Variants in SCFD2 observed in about 807,000 individuals in gnomAD.
The protein encoded by SCFD2 is sec1 family domain-containing protein 2.
Under a neutral mutation model 58.9 loss-of-function variants are expected in SCFD2, and 54 were observed. That is an observed-to-expected ratio of 0.92 (90% CI 0.74 to 1.15). SCFD2 has a LOEUF of 1.15. SCFD2 is among the 50% of genes most tolerant of loss of function. The probability of loss-of-function intolerance (pLI) is 0.00; values close to 1 mark genes in which losing one functional copy is unlikely to be tolerated. For synonymous variants in SCFD2, 321 were observed against 335.9 expected (o/e 0.96, Z 0.49); for missense variants, 805 against 836.6 (o/e 0.96, Z 0.47).
rs73149260 is a variant in SCFD2, at chr4:53,308,522, C to G, written c.1135+5114G>C. Among the ~76,000 whole-genome samples, 1,330 of 152,206 alleles carry G rather than the reference C, an allele frequency of 8.7e-3. 19 individuals carry two copies. Among genetic ancestry groups the G allele is most frequent in the African/African-American group, 0.03 (1,254 of 41,522 alleles). ...TCTCTTTCTCTCTCTCTTATACACA[C>G]ATAACAAAGAGATTTGCATGCACAC... On this transcript the variant is annotated intron_variant, in intron 3 of 8. Coordinates refer to ENST00000401642, the MANE Select transcript of SCFD2 (RefSeq NM_152540.4).
At chr4:53,304,077 A>G (rs1264567480) in intron 3 of SCFD2, among the ~76,000 whole-genome samples, 2 of 146,288 alleles carry the variant, frequency 1.4e-5, no homozygotes, top group African/African-American at 2.5e-5. Flanking sequence ...CGTTGTGCAC[A>G]TGTACCCTAA....
chr4:53,346,107 A>G (rs1399793927), intron 2 of SCFD2, among the ~76,000 whole-genome samples: 2 of 122,710 alleles, frequency 1.6e-5, no homozygotes, highest in African/African-American at 5.7e-5. Context: ...AATTTAAAAA[A>G]GTTTAAAAAA....
chr4:53,247,203 G>A (rs1462383039), intron 4 of SCFD2, among the ~76,000 whole-genome samples: 2 of 152,142 alleles, frequency 1.3e-5, no homozygotes, highest in African/African-American at 4.8e-5. Flanking sequence ...AAACCATAGT[G>A]ACATAATCTC....
intron 8 of SCFD2, among the ~76,000 whole-genome samples, chr4:52,879,771 A>G (rs1239452746): frequency 2.0e-5 from 3 of 152,182 alleles, no homozygotes; most frequent in Non-Finnish European, 4.4e-5. Flanking sequence ...TTCCTGTTCT[A>G]TTTCTGCTGA....
At chr4:53,287,463 A>C (rs1239528297) in intron 3 of SCFD2, among the ~76,000 whole-genome samples, 1 of 152,192 alleles carries the variant, frequency 6.6e-6, no homozygotes, top group African/African-American at 2.4e-5. Flanking sequence ...GGCCACTGAC[A>C]CACCTATAAT....
At chr4:52,975,573 T>C (rs1721236208) in intron 5 of SCFD2, among the ~76,000 whole-genome samples, 1 of 152,166 alleles carries the variant, frequency 6.6e-6, no homozygotes, top group South Asian at 2.1e-4. Context: ...ACACTGTTGG[T>C]GGGACGGTAA....
At chr4:53,223,067 C>T (rs761388850) in intron 4 of SCFD2, among the ~76,000 whole-genome samples, 2 of 152,156 alleles carry the variant, frequency 1.3e-5, no homozygotes, top group Non-Finnish European at 2.9e-5. Context: ...CAGGCAGGAG[C>T]ACCCATTCTG....
At chr4:53,218,448 T>C (rs2148992064) in intron 4 of SCFD2, among the ~76,000 whole-genome samples, 1 of 152,344 alleles carries the variant, frequency 6.6e-6, no homozygotes, top group Admixed American at 6.5e-5. Flanking sequence ...TACTGAAGCT[T>C]GTGCATTCGT....
chr4:53,001,313 G>T (rs1295081873), intron 5 of SCFD2, among the ~76,000 whole-genome samples: 1 of 152,162 alleles, frequency 6.6e-6, no homozygotes, highest in Non-Finnish European at 1.5e-5. Context: ...AGCAGCACGG[G>T]AATTAACCCT....
intron 5 of SCFD2, among the ~76,000 whole-genome samples, chr4:53,013,432 C>G (rs1178472843): frequency 6.6e-6 from 1 of 152,166 alleles, no homozygotes; most frequent in East Asian, 1.9e-4. Context: ...CCCTTTCCTT[C>G]TTGAAAATTC....
chr4:52,885,965 A>G (rs923380258), intron 7 of SCFD2, 99 bp from the exon 8 acceptor site: 25 of 1,449,882 alleles, frequency 1.7e-5, no homozygotes, highest in Non-Finnish European at 2.4e-5. Flanking sequence ...AAACCTCAGG[A>G]CTACTACTGA....
chr4:53,023,918 G>A (rs564745792), intron 5 of SCFD2, among the ~76,000 whole-genome samples: 52 of 152,252 alleles, frequency 3.4e-4, no homozygotes, highest in African/African-American at 1.2e-3. Flanking sequence ...ACTTCATCTC[G>A]ACATTGAGAA....
chr4:53,199,134 T>A (rs1346003186), intron 4 of SCFD2, among the ~76,000 whole-genome samples: 2 of 152,070 alleles, frequency 1.3e-5, no homozygotes, highest in East Asian at 3.9e-4. Flanking sequence ...AAAGCCAATA[T>A]AACCACTCAG....
At chr4:53,343,168 G>T (rs543432018) in intron 2 of SCFD2, among the ~76,000 whole-genome samples, 1 of 152,220 alleles carries the variant, frequency 6.6e-6, no homozygotes, top group African/African-American at 2.4e-5. Context: ...AACGAATCCA[G>T]GAGCTGGTTT....
At chr4:52,987,171 G>T (rs1009036808) in intron 5 of SCFD2, among the ~76,000 whole-genome samples, 1 of 152,138 alleles carries the variant, frequency 6.6e-6, no homozygotes, top group Non-Finnish European at 1.5e-5. Flanking sequence ...TGGGACTACA[G>T]GTGCCGGCCA....
intron 4 of SCFD2, among the ~76,000 whole-genome samples, chr4:53,187,305 T>C (rs1560376211): frequency 1.3e-5 from 2 of 151,958 alleles, no homozygotes; most frequent in Non-Finnish European, 2.9e-5. Flanking sequence ...GCATAGAGAG[T>C]CTTGTGGAAA....
rs1225016565 is a variant in SCFD2 at position 53,253,078 on chromosome 4, G to A, written c.1311+20748C>T. Among the ~76,000 whole-genome samples, 22 of 152,234 alleles carry A rather than the reference G, an allele frequency of 1.4e-4. No homozygotes were observed. The East Asian group carries it at 4.2e-3, about 29-fold the overall frequency. On this transcript the variant is annotated intron_variant, in intron 4 of 8. Transcript: ENST00000401642. ...ACAACCCCACCAAAAAGTGGAAAAA[G>A]GATATGAACAGACACTTCTCAAAAG...
chr4:52,965,906 A>G (rs1720952225), intron 5 of SCFD2, among the ~76,000 whole-genome samples: 2 of 152,242 alleles, frequency 1.3e-5, no homozygotes, highest in South Asian at 4.1e-4. Context: ...CTATGCTAAT[A>G]ATGCTACCAG....
In SCFD2 at chr4:53,365,034, T is replaced by A. The variant is rs1352933653; in HGVS notation, c.838+70A>T. On this transcript the variant is annotated intron_variant, in intron 1 of 8. Coordinates refer to ENST00000401642, the MANE Select transcript of SCFD2 (RefSeq NM_152540.4). This position sits in a 1 kb window ranked among gnomAD's most constrained non-coding sequence, Gnocchi z 4.3. ...TATATAATAAAAGGTCAATAAAATA[T>A]ATGCTGAATCAATGAAAGTCCCAGC... 6.6e-7 allele frequency: 1 copy of A among 1,505,050 alleles called. No individual in the cohort carries two copies. The highest frequency in any genetic ancestry group is 8.9e-7 in the Non-Finnish European group (1 of 1,117,700). 93.2% of individuals were successfully genotyped at this position (1,505,050 alleles called of 1,614,324 possible).
Sources: allele counts gnomAD v4.1 joint callset (sites outside exome capture counted in the v4.1 genomes callset), GRCh38; gene constraint gnomAD v4.1.1; non-coding constraint Gnocchi (gnomAD v3.1); transcripts MANE v1.5; gene names NCBI Gene and HGNC (gene_info 2026-07-23, HGNC 2026-07-21).